CFAP221: variants seen among roughly 807,000 people sequenced by gnomAD.
The protein encoded by CFAP221 is cilia and flagella associated protein 221, also known as cilia- and flagella-associated protein 221.
CFAP221 carries 97 observed loss-of-function variants against 113.1 expected under a neutral mutation model. The observed-to-expected ratio is 0.86, with a 90% CI of 0.73 to 1.02. The LOEUF is 1.02. Among genes scored for constraint, CFAP221 ranks in the 50% least tolerant of loss-of-function variants. The pLI, the probability that CFAP221 is intolerant of heterozygous loss-of-function variation, is 0.00. For missense variants in CFAP221, 1,025 were observed against 1,013.4 expected (o/e 1.01, Z -0.16); for synonymous variants, 331 against 354.4 (o/e 0.93, Z 0.74).
chr2:119,550,574 T>C (rs1417051773), intron 3 of CFAP221, among the ~76,000 whole-genome samples: 3 of 152,226 alleles, frequency 2.0e-5, no homozygotes, highest in African/African-American at 7.2e-5. Context: ...TTTTGAAGCC[T>C]ACTGTTCGTG....
chr2:119,555,294 C>G (rs752646212), intron 3 of CFAP221, among the ~76,000 whole-genome samples: 2 of 152,118 alleles, frequency 1.3e-5, no homozygotes, highest in Non-Finnish European at 2.9e-5. Flanking sequence ...AGCAGAAGGT[C>G]AGCTCCCAGG....
intron 14 of CFAP221, among the ~76,000 whole-genome samples, chr2:119,621,023 G>A (rs1685875408): frequency 6.6e-6 from 1 of 151,684 alleles, no homozygotes; most frequent in Non-Finnish European, 1.5e-5. Context: ...TCGGGAGTTC[G>A]AGACCAGTCT....
At chr2:119,592,695 C>T (rs370918677) in intron 7 of CFAP221, among the ~76,000 whole-genome samples, 15 of 152,314 alleles carry the variant, frequency 9.8e-5, no homozygotes, top group Admixed American at 2.0e-4. Flanking sequence ...CCTCCATGCT[C>T]GCATGTTTGA....
At chr2:119,648,381 A>T (rs1481561362) in intron 22 of CFAP221, 1 of 223,346 alleles carries the variant, frequency 4.5e-6, no homozygotes, top group Non-Finnish European at 1.1e-5. Context: ...CAAGTGTAGA[A>T]AATGAATACA....
At chr2:119,588,104 C>T (rs1283687727) in intron 7 of CFAP221, among the ~76,000 whole-genome samples, 1 of 152,130 alleles carries the variant, frequency 6.6e-6, no homozygotes, top group East Asian at 1.9e-4. Flanking sequence ...TAAATGGTCA[C>T]TAAAATTATA....
chr2:119,616,039 G>A (rs1011159217), intron 14 of CFAP221, among the ~76,000 whole-genome samples: 2 of 151,998 alleles, frequency 1.3e-5, no homozygotes, highest in African/African-American at 2.4e-5. Context: ...TCATATAAAT[G>A]GAATCATACA....
chr2:119,549,848 A>G (rs1228851656), intron 3 of CFAP221, among the ~76,000 whole-genome samples: 1 of 152,232 alleles, frequency 6.6e-6, no homozygotes, highest in Non-Finnish European at 1.5e-5. Flanking sequence ...AAAGTAGCCA[A>G]AGCCTATAGC....
At chr2:119,577,816 G>A (rs570131161) in intron 6 of CFAP221, among the ~76,000 whole-genome samples, 1 of 152,314 alleles carries the variant, frequency 6.6e-6, no homozygotes, top group East Asian at 1.9e-4. Context: ...CGCTGAAGGA[G>A]AAATGAAGCA....
chr2:119,588,337 G>A (rs1423920056), intron 7 of CFAP221, among the ~76,000 whole-genome samples: 2 of 152,102 alleles, frequency 1.3e-5, no homozygotes, highest in Admixed American at 6.5e-5. Flanking sequence ...CCAGGAATTC[G>A]TAGTGTTGGA....
chr2:119,659,571 G>A (rs1281636221), downstream of CFAP221, among the ~76,000 whole-genome samples: 1 of 152,290 alleles, frequency 6.6e-6, no homozygotes. Flanking sequence ...CCCACTGTGG[G>A]CAACCATCTC....
intron 6 of CFAP221, among the ~76,000 whole-genome samples, chr2:119,586,346 C>T (rs1683221706): frequency 6.6e-6 from 1 of 152,158 alleles, no homozygotes; most frequent in Non-Finnish European, 1.5e-5. Flanking sequence ...GCAGTCAACT[C>T]TGGCTGACTT....
intron 13 of CFAP221, among the ~76,000 whole-genome samples, chr2:119,612,691 G>C (rs1431509034): frequency 6.6e-6 from 1 of 151,968 alleles, no homozygotes; most frequent in Non-Finnish European, 1.5e-5. Context: ...TTCTATGAGG[G>C]TCATGTCTTG....
chr2:119,589,419 T>C (rs1219662184), intron 7 of CFAP221, among the ~76,000 whole-genome samples: 1 of 152,264 alleles, frequency 6.6e-6, no homozygotes, highest in South Asian at 2.1e-4. Flanking sequence ...GGATGGCTTT[T>C]TGGCCACAAG....
intron 6 of CFAP221, among the ~76,000 whole-genome samples, chr2:119,567,265 T>TGC (rs1681715095): frequency 6.1e-4 from 1 of 1,646 alleles, no homozygotes; most frequent in African/African-American, 2.6e-3. Flanking sequence ...AATCCCATGC[T>TGC]TCTATTCATT....
rs150522008 is a variant in CFAP221 at position 119,615,177 on chromosome 2, G to A, written c.1312-434G>A. Among the ~76,000 whole-genome samples the A allele has an allele frequency of 3.7e-3, 564 of 152,306 alleles. 7 individuals are homozygous for A. The highest frequency in any genetic ancestry group is 0.013 in the African/African-American group (529 of 41,558). On this transcript the variant is annotated intron_variant, in intron 13 of 23. Transcript: ENST00000413369. ...CATTTACTAACTTAGATACACTGGTGCCCAGGACATGCAGGCACATGTGGG... is the reference window on the plus strand; with the variant it reads ...CATTTACTAACTTAGATACACTGGTACCCAGGACATGCAGGCACATGTGGG...
chr2:119,593,046 A>G (rs1029463329), intron 7 of CFAP221, among the ~76,000 whole-genome samples: 1 of 152,346 alleles, frequency 6.6e-6, no homozygotes, highest in South Asian at 2.1e-4. Flanking sequence ...AAAACCTTGA[A>G]TGTTTTCATG....
At chr2:119,556,457 A>G (rs995210396) in intron 3 of CFAP221, among the ~76,000 whole-genome samples, 4 of 152,192 alleles carry the variant, frequency 2.6e-5, no homozygotes, top group Admixed American at 6.5e-5. Context: ...ATGGGAAACT[A>G]TAGTCAAATA....
intron 7 of CFAP221, among the ~76,000 whole-genome samples, chr2:119,599,981 A>G (rs553913549): frequency 6.6e-6 from 1 of 152,080 alleles, no homozygotes; most frequent in African/African-American, 2.4e-5. Context: ...AAGATTCAGG[A>G]AGTGAATGGA....
intron 21 of CFAP221, among the ~76,000 whole-genome samples, chr2:119,644,709 A>C (rs1687692136): frequency 6.6e-6 from 1 of 152,204 alleles, no homozygotes; most frequent in Non-Finnish European, 1.5e-5. Flanking sequence ...TATATGCAAC[A>C]TACATATATA....
Sources: allele counts gnomAD v4.1 joint callset (sites outside exome capture counted in the v4.1 genomes callset), GRCh38; gene constraint gnomAD v4.1.1; transcripts MANE v1.5; gene names NCBI Gene and HGNC (gene_info 2026-07-23, HGNC 2026-07-21).